Variants in SERPINB10 observed in about 807,000 individuals in gnomAD.
SERPINB10 encodes serpin B10.
Under a neutral mutation model 39.1 loss-of-function variants are expected in SERPINB10, and 35 were observed. The observed-to-expected ratio is 0.90, with a 90% CI of 0.68 to 1.19. The LOEUF (loss-of-function observed/expected upper bound fraction) is 1.19. Among genes scored for constraint, SERPINB10 ranks in the 50% most tolerant of loss-of-function variants. The pLI is 0.00. For missense variants in SERPINB10, 546 were observed against 460.5 expected (o/e 1.19, Z -1.70); for synonymous variants, 190 against 158.1 (o/e 1.20, Z -1.52).
chr18:63,930,688 A>G (rs1309088669), intron 6 of SERPINB10, among the ~76,000 whole-genome samples: 1 of 152,154 alleles, frequency 6.6e-6, no homozygotes, highest in Non-Finnish European at 1.5e-5. Flanking sequence ...CTGATTGGAA[A>G]CAAGGACTTA....
At chr18:63,919,712 T>G (rs2144726685) in intron 4 of SERPINB10, 76 bp from the exon 5 acceptor site, 2 of 1,008,864 alleles carry the variant, frequency 2.0e-6, no homozygotes, top group Non-Finnish European at 3.0e-6. Flanking sequence ...CCTAGTTCTT[T>G]TGATAATCTA....
rs1176445718 is a variant in SERPINB10 at position 63,933,103 on chromosome 18, AC to A, written c.690del (p.His230GlnfsTer2). The A allele has an allele frequency of 1.2e-6, 2 of 1,613,932 alleles. No individual in the cohort carries two copies. Among genetic ancestry groups the A allele is most frequent in the South Asian group, 2.2e-5 (2 of 91,080 alleles). Reference protein sequence around the residue: ...MFMKKKLHIFHIEKPKAVGLQ... With the variant: ...MFMKKKLHIFXIEKPKAVGLQ... ...ATGAAGAAAAAGCTTCACATTTTTC[AC>A]ATAGAAAAGCCAAAAGCAGTGGGCC... is the stretch of plus-strand genomic sequence containing the variant. On this transcript the variant is annotated frameshift_variant, in exon 7 of 8. Coordinates refer to ENST00000238508, the MANE Select transcript of SERPINB10 (RefSeq NM_005024.3). LOFTEE classifies it high-confidence loss of function.
At chr18:63,913,061 G>GTTTT (rs1194581753) in intron 1 of SERPINB10, among the ~76,000 whole-genome samples, 92 of 152,052 alleles carry the variant, frequency 6.1e-4, no homozygotes, top group African/African-American at 2.1e-3. Flanking sequence ...TAGTTTGTGT[G>GTTTT]CATAGAGGTA....
At chr18:63,912,485 T>A (rs951381732) in intron 1 of SERPINB10, among the ~76,000 whole-genome samples, 6 of 152,078 alleles carry the variant, frequency 3.9e-5, no homozygotes, top group Non-Finnish European at 8.8e-5. Context: ...TGAGGGTTTT[T>A]ATCATGAATG....
At position 63,930,161 on chromosome 18, in the gene SERPINB10, A is replaced by G. The variant is rs1239467188; in HGVS notation, c.607A>G (p.Thr203Ala). ...ACATCAATTCTTAGTGCAAAACACC[A>G]CAGAAAAGCCTTTTAGAATAAACGA... ...WEHQFLVQNT[T>A]EKPFRINETT... The change falls in exon 6 of 8, where the codon ACA (threonine) becomes GCA (alanine). Residue 203 changes from threonine to alanine, a missense_variant. Physicochemically the swap from Thr to Ala is moderately conservative, Grantham distance 58. Coordinates refer to ENST00000238508, the MANE Select transcript of SERPINB10 (RefSeq NM_005024.3). The G allele has an allele frequency of 2.5e-6, 4 of 1,613,276 alleles. No individual in the cohort carries two copies. In the Admixed American group the frequency reaches 5.0e-5, roughly 20 times the overall value.
chr18:63,918,463 A>G (rs1286405610), intron 4 of SERPINB10, among the ~76,000 whole-genome samples: 4 of 152,018 alleles, frequency 2.6e-5, no homozygotes, highest in Non-Finnish European at 5.9e-5. Flanking sequence ...TGGGAACATG[A>G]AACATGAAAT....
chr18:63,927,142 C>T (rs1414118798), intron 5 of SERPINB10, among the ~76,000 whole-genome samples: 2 of 151,610 alleles, frequency 1.3e-5, no homozygotes, highest in Admixed American at 6.6e-5. Flanking sequence ...TGTTAAATAA[C>T]GGTAGTCATA....
chr18:63,913,907 A>G (rs2050083098), intron 1 of SERPINB10, among the ~76,000 whole-genome samples: 1 of 152,056 alleles, frequency 6.6e-6, no homozygotes, highest in African/African-American at 2.4e-5. Flanking sequence ...TTGTAGGTTG[A>G]AGAGTACTTG....
chr18:63,930,226 G>T (rs749187258), intron 6 of SERPINB10, 39 bp downstream of exon 6: 1 of 1,595,118 alleles, frequency 6.3e-7, no homozygotes, highest in Non-Finnish European at 8.6e-7. Context: ...TTTTCACATG[G>T]CATTGTACAA....
intron 7 of SERPINB10, 144 bp downstream of exon 7, chr18:63,933,347 AC>A (rs2144741090): frequency 1.2e-6 from 1 of 839,620 alleles, no homozygotes; most frequent in South Asian, 1.5e-5. Flanking sequence ...TCACCAATGT[AC>A]CTTGAGTTCT....
chr18:63,932,096 T>C (rs1027985034), intron 6 of SERPINB10, among the ~76,000 whole-genome samples: 1 of 152,234 alleles, frequency 6.6e-6, no homozygotes, highest in Non-Finnish European at 1.5e-5. Flanking sequence ...TTTTGTTTTA[T>C]TGCTGAATAA....
chr18:63,909,227 C>A (rs1478809786), intron 1 of SERPINB10, among the ~76,000 whole-genome samples: 2 of 152,038 alleles, frequency 1.3e-5, no homozygotes, highest in Non-Finnish European at 2.9e-5. Context: ...GTTTATAGCT[C>A]TTGAAAACTG....
At chr18:63,927,577 A>G (rs1362457127) in intron 5 of SERPINB10, among the ~76,000 whole-genome samples, 2 of 152,036 alleles carry the variant, frequency 1.3e-5, no homozygotes, top group Non-Finnish European at 2.9e-5. Flanking sequence ...TCCCTTTATA[A>G]GGACACTAAT....
Position 63,918,039 on chromosome 18 carries a change from CGAT to C in SERPINB10, c.312_314del (p.Asp105del). 2 of 1,612,238 alleles carry C rather than the reference CGAT, an allele frequency of 1.2e-6. No homozygotes were observed. Among genetic ancestry groups the C allele is most frequent in the Non-Finnish European group, 1.7e-6 (2 of 1,178,888 alleles). Reference sequence around the variant, plus strand: ...TTATCTCAGAAATCCTCAAGCCCAACGATGACTACTTACTTAAAACAGCCAATG... The same window carrying C: ...TTATCTCAGAAATCCTCAAGCCCAACGACTACTTACTTAAAACAGCCAATG... On this transcript the variant is annotated inframe_deletion, in exon 4 of 8. Transcript: ENST00000238508.
intron 1 of SERPINB10, among the ~76,000 whole-genome samples, chr18:63,908,428 C>A (rs1254605228): frequency 1.1e-4 from 16 of 151,936 alleles, no homozygotes; most frequent in Non-Finnish European, 4.4e-5. Context: ...GACGGTTGAG[C>A]CAAAACCCTT....
At chr18:63,930,682 T>C (rs2050216072) in intron 6 of SERPINB10, among the ~76,000 whole-genome samples, 1 of 152,178 alleles carries the variant, frequency 6.6e-6, no homozygotes, top group Non-Finnish European at 1.5e-5. Context: ...TGGGACCTGA[T>C]TGGAAACAAG....
In SERPINB10 at chr18:63,934,919, C is replaced by G. The variant is rs371464765; in HGVS notation, c.871C>G (p.Leu291Val). The part of the protein sequence containing the change: ...MMELYEVQLH[L>V]PKFKLEDSYD... ...GGAGTTGTATGAAGTGCAGCTACAC[C>G]TTCCCAAGTTCAAGCTGGAAGACAG... is the stretch of plus-strand genomic sequence containing the variant. The change falls in exon 8 of 8, where the codon CTT becomes GTT. Residue 291 changes from leucine to valine, a missense_variant. By Grantham distance (32) the Leu-to-Val change is conservative. Coordinates refer to ENST00000238508, the MANE Select transcript of SERPINB10 (RefSeq NM_005024.3). The G allele has an allele frequency of 6.2e-7, 1 of 1,614,166 alleles. No homozygotes were observed. Among genetic ancestry groups the G allele is most frequent in the Admixed American group, 1.7e-5 (1 of 60,020 alleles).
chr18:63,925,833 T>A (rs9960901), intron 5 of SERPINB10, among the ~76,000 whole-genome samples: 62,588 of 151,778 alleles, frequency 0.41, 15,766 homozygotes, highest in African/African-American at 0.71. Context: ...TGGGAAACAG[T>A]ATATTACACG....
intron 3 of SERPINB10, 116 bp downstream of exon 3, chr18:63,917,637 T>A: frequency 1.6e-6 from 1 of 609,102 alleles, no homozygotes; most frequent in Non-Finnish European, 2.7e-6. Flanking sequence ...GAAACATATA[T>A]TAAAGTTACA....
Sources: allele counts gnomAD v4.1 joint callset (sites outside exome capture counted in the v4.1 genomes callset), GRCh38; gene constraint gnomAD v4.1.1; transcripts MANE v1.5; gene names NCBI Gene and HGNC (gene_info 2026-07-23, HGNC 2026-07-21).